EPN1: variants seen among roughly 807,000 people sequenced by gnomAD.
EPN1 encodes the protein epsin 1.
A neutral mutation model predicts 56.9 loss-of-function variants in EPN1; 25 were observed. That is an observed-to-expected ratio of 0.44 (90% CI 0.32 to 0.61). The LOEUF is 0.61. Ranked by LOEUF, EPN1 falls within the 20% of genes least tolerant of loss-of-function variation. The pLI is 0.05. For synonymous variants in EPN1, 411 were observed against 361.8 expected (o/e 1.14, Z -1.54); for missense variants, 785 against 823.7 (o/e 0.95, Z 0.58).
chr19:55,692,418 G>GGCCGA (rs1457515515), intron 7 of EPN1, among the ~76,000 whole-genome samples: 5 of 152,042 alleles, frequency 3.3e-5, no homozygotes, highest in Non-Finnish European at 5.9e-5. Flanking sequence ...GGGGAGGGGT[G>GGCCGA]GCCGAGCCGT....
chr19:55,687,759 C>T (rs963990338), intron 3 of EPN1, among the ~76,000 whole-genome samples: 1 of 152,188 alleles, frequency 6.6e-6, no homozygotes, highest in South Asian at 2.1e-4. Context: ...CACTCATAAC[C>T]CCAGATGGTC....
chr19:55,698,809 G>C lies in EPN1; in HGVS notation c.*3453G>C, dbSNP rs150026534. ...TTGCCAGGCTGGAGTGCAGTGGCAC[G>C]ATCTCGGCTCACCGCAACCTCCACC... On this transcript the variant is annotated 3_prime_UTR_variant, in exon 11 of 11. Transcript: ENST00000270460. 6.6e-6 allele frequency: 1 copy of C among 152,462 alleles called. No individual in the cohort carries two copies. Among genetic ancestry groups the C allele is most frequent in the Admixed American group, 6.5e-5 (1 of 15,270 alleles). The allele number at this position is 152,462 out of a possible 1,614,324, so 9.4% of individuals were successfully genotyped here.
chr19:55,677,094 G>T, intron 1 of EPN1: 1 of 1,539,986 alleles, frequency 6.5e-7, no homozygotes, highest in Non-Finnish European at 8.8e-7. Context: ...GCCTCTCTCC[G>T]TCATCCCTAT....
chr19:55,695,310 TGCCCCCGGG>T lies in EPN1; in HGVS notation c.1686_1694del (p.Met562_Gly565delinsIle). ...GGGGGCCCTGGCCTGCCCCCCATGA[TGCCCCCGGG>T]CCCCCCGGCCCCCAACACTAATCCC... On this transcript the variant is annotated inframe_deletion, in exon 11 of 11. Transcript: ENST00000270460. This position sits in a 1 kb window ranked among gnomAD's most constrained non-coding sequence, Gnocchi z 4.4. 1 of 1,555,458 alleles carries T rather than the reference TGCCCCCGGG, an allele frequency of 6.4e-7. No homozygotes were observed. The highest frequency in any genetic ancestry group is 1.9e-5 in the Admixed American group (1 of 52,622).
At chr19:55,692,415 G>T (rs2122213161) in intron 7 of EPN1, among the ~76,000 whole-genome samples, 1 of 152,142 alleles carries the variant, frequency 6.6e-6, no homozygotes, top group African/African-American at 2.4e-5. Context: ...ACAGGGGAGG[G>T]GTGGCCGAGC....
chr19:55,693,080 C>G (rs747664592), intron 9 of EPN1, 43 bp downstream of exon 9: 1 of 1,575,094 alleles, frequency 6.3e-7, no homozygotes, highest in Non-Finnish European at 8.7e-7. Context: ...GAGGGAGCCT[C>G]CCCTAGCTCT....
Position 55,708,657 on chromosome 19 carries a change from A to G in EPN1, c.*13301A>G, listed in dbSNP as rs116612558. 7.1e-3 allele frequency: 2,263 copies of G among 318,838 alleles called. 38 individuals are homozygous for G. Among genetic ancestry groups the G allele is most frequent in the African/African-American group, 0.045 (2,100 of 46,844 alleles). The allele number at this position is 318,838 out of a possible 1,614,324, so 19.8% of individuals were successfully genotyped here. ...TTTCCAGAGCGTTTAGCACTTGTTT[A>G]ACGTACTTGTGCTTCTAAATATCAC... On this transcript the variant is annotated 3_prime_UTR_variant, in exon 11 of 11. Transcript: ENST00000270460.
At position 55,685,396 on chromosome 19, in the gene EPN1, G is replaced by T; in HGVS notation, c.229G>T (p.Ala77Ser). 1 of 1,610,150 alleles carries T rather than the reference G, an allele frequency of 6.2e-7. No individual in the cohort carries two copies. The highest frequency in any genetic ancestry group is 1.3e-5 in the African/African-American group (1 of 75,002). The change falls in exon 3 of 11, where the codon GCC (alanine) becomes TCC (serine). Residue 77 changes from alanine (A) to serine (S), a missense_variant and splice_region_variant. By Grantham distance (99) the Ala-to-Ser change is moderately conservative. This residue lies in a region of EPN1 where 135 missense variants were observed against 218.7 expected (regional missense o/e 0.62). Transcript: ENST00000270460. ...HGKNWRHVYK[A>S]MTLMEYLIKT... ...CGGGCATCCCCGTGCCCGCTCGCAG[G>T]CCATGACGCTGATGGAGTACCTCAT...
At chr19:55,681,719 A>G (rs1568566580) in intron 2 of EPN1, among the ~76,000 whole-genome samples, 1 of 152,228 alleles carries the variant, frequency 6.6e-6, no homozygotes, top group Admixed American at 6.5e-5. Flanking sequence ...AACATTAAGA[A>G]GGACTATCAT....
In EPN1 at chr19:55,689,820, G is replaced by A. The variant is rs370062190; in HGVS notation, c.679-47G>A. On this transcript the variant is annotated intron_variant, in intron 5 of 10. Coordinates refer to ENST00000270460, the MANE Select transcript of EPN1 (RefSeq NM_001130072.2). The surrounding 1 kb of genome is among the most constrained non-coding windows in gnomAD (Gnocchi z 5.7). ...TTCCAGGCTGAGGTGGCATCTGCCC[G>A]TGGCTCACGTTCTCATGTCTCCCTG... 1.0e-3 allele frequency: 1,600 copies of A among 1,549,274 alleles called. 1 individual carries two copies. Among genetic ancestry groups the A allele is most frequent in the Non-Finnish European group, 1.2e-3 (1,399 of 1,142,300 alleles).
In EPN1 at chr19:55,692,971, G is replaced by A; in HGVS notation, c.1198G>A (p.Glu400Lys). ...GTTAAGGFDT[E>K]PDEFSDFDRL... ...CACAGCAGCCGGGGGATTCGACACG[G>A]AGCCCGACGAGTTCTCTGACTTTGA... is the stretch of plus-strand genomic sequence containing the variant. Residue 400 changes from glutamate to lysine, a missense_variant, in exon 9 of 11, where the codon GAG (glutamate) becomes AAG (lysine). By Grantham distance (56) the Glu-to-Lys change is moderately conservative. This residue lies in a region of EPN1 where 650 missense variants were observed against 605.0 expected (regional missense o/e 1.07). Transcript: ENST00000270460. 1.2e-6 allele frequency: 2 copies of A among 1,613,462 alleles called. No homozygotes were observed. The highest frequency in any genetic ancestry group is 1.1e-5 in the South Asian group (1 of 91,072).
chr19:55,675,461 A>T (rs1420428143), intron 1 of EPN1, 26 bp downstream of exon 1: 3 of 151,478 alleles, frequency 2.0e-5, no homozygotes, highest in Non-Finnish European at 4.4e-5. Flanking sequence ...AGCGCGGGGG[A>T]CGCTGGCCCG....
chr19:55,690,939 G>T (rs549002759), intron 6 of EPN1, among the ~76,000 whole-genome samples: 1 of 152,110 alleles, frequency 6.6e-6, no homozygotes, highest in East Asian at 2.0e-4. Context: ...GGGAGCACCA[G>T]ATCTCACCCA....
At chr19:55,688,716 C>T (rs951018651) in intron 3 of EPN1, among the ~76,000 whole-genome samples, 154 bp from the exon 4 acceptor site, 21 of 151,918 alleles carry the variant, frequency 1.4e-4, no homozygotes, top group South Asian at 4.1e-4. Flanking sequence ...GTCTGGTCTC[C>T]GCCTCTCAGT....
intron 3 of EPN1, among the ~76,000 whole-genome samples, chr19:55,686,285 T>C (rs1986162898): frequency 6.6e-6 from 1 of 150,730 alleles, no homozygotes; most frequent in South Asian, 2.1e-4. Context: ...TTCCAGGAAG[T>C]GTGGTCTGTG....
chr19:55,693,151 G>A, intron 9 of EPN1, 114 bp downstream of exon 9: 3 of 998,428 alleles, frequency 3.0e-6, no homozygotes, highest in Non-Finnish European at 4.5e-6. Flanking sequence ...TGGACTTAGG[G>A]ATGAAAAGTT....
At chr19:55,690,011 A>C in intron 6 of EPN1, 61 bp downstream of exon 6, 6 of 1,452,350 alleles carry the variant, frequency 4.1e-6, no homozygotes, top group Non-Finnish European at 5.6e-6. Context: ...CCCATCGCTC[A>C]TTCCTGCGTG....
chr19:55,679,490 G>A (rs565688554), intron 2 of EPN1, among the ~76,000 whole-genome samples: 1 of 152,338 alleles, frequency 6.6e-6, no homozygotes, highest in African/African-American at 2.4e-5. Flanking sequence ...TTGGGGCAGG[G>A]GCTGGTGAGT....
intron 2 of EPN1, among the ~76,000 whole-genome samples, chr19:55,681,667 T>G (rs1426599627): frequency 1.3e-5 from 2 of 152,246 alleles, no homozygotes; most frequent in African/African-American, 4.8e-5. Flanking sequence ...TGTTTTAAAC[T>G]TTATTTCTGC....
Sources: allele counts gnomAD v4.1 joint callset (sites outside exome capture counted in the v4.1 genomes callset), GRCh38; gene constraint gnomAD v4.1.1; regional missense constraint gnomAD v4.1.1; non-coding constraint Gnocchi (gnomAD v3.1); transcripts MANE v1.5; gene names NCBI Gene and HGNC (gene_info 2026-07-23, HGNC 2026-07-21).